TRAPPC9: variants seen among roughly 807,000 people sequenced by gnomAD.
The protein encoded by TRAPPC9 is IKK2 binding protein.
TRAPPC9 carries 83 observed loss-of-function variants against 124.0 expected under a neutral mutation model. That is an observed-to-expected ratio of 0.67 (90% CI 0.56 to 0.80). The LOEUF (loss-of-function observed/expected upper bound fraction) is 0.80. Among genes scored for constraint, TRAPPC9 ranks in the 30% least tolerant of loss-of-function variants. TRAPPC9 has a pLI of 0.00. For synonymous variants in TRAPPC9, 638 were observed against 617.5 expected, an observed-to-expected ratio of 1.03 and a Z score of -0.49; for missense variants, 1,302 against 1,508.3, an observed-to-expected ratio of 0.86 and a Z score of 2.27.
chr8:140,305,259 C>T (rs571924347), intron 10 of TRAPPC9, among the ~76,000 whole-genome samples: 3 of 152,230 alleles, frequency 2.0e-5, no homozygotes, highest in South Asian at 4.2e-4. Flanking sequence ...GTTTTCTATC[C>T]CACTGTTACT....
At chr8:140,458,338 G>A (rs763632823), upstream of TRAPPC9, 7 of 1,583,792 alleles carry the variant, frequency 4.4e-6, no homozygotes, top group Middle Eastern at 1.7e-4. Flanking sequence ...CAGGGGTGGA[G>A]GCCCCGCGGA....
intron 19 of TRAPPC9, chr8:139,932,718 G>A (rs754392700): frequency 3.5e-5 from 13 of 366,378 alleles, no homozygotes; most frequent in South Asian, 2.2e-4. Flanking sequence ...GAGCCGAGAT[G>A]GTACCTCTGC....
intron 21 of TRAPPC9, among the ~76,000 whole-genome samples, chr8:139,800,437 G>T (rs1823409996): frequency 2.6e-5 from 4 of 152,216 alleles, no homozygotes; most frequent in Admixed American, 2.0e-4. Flanking sequence ...CAGGGTTTCT[G>T]GTGGGTCCGT....
At chr8:140,201,922 C>A (rs979836364) in intron 17 of TRAPPC9, among the ~76,000 whole-genome samples, 1 of 152,082 alleles carries the variant, frequency 6.6e-6, no homozygotes, top group African/African-American at 2.4e-5. Flanking sequence ...TCAGGCTCAG[C>A]TCTGACATAC....
intron 15 of TRAPPC9, among the ~76,000 whole-genome samples, chr8:140,273,673 C>T (rs1046197177): frequency 6.6e-6 from 1 of 152,178 alleles, no homozygotes; most frequent in Non-Finnish European, 1.5e-5. Context: ...CTCTGCCTGG[C>T]TTTCATTGTT....
intron 14 of TRAPPC9, among the ~76,000 whole-genome samples, chr8:140,281,326 A>C (rs959187950): frequency 2.6e-5 from 4 of 152,172 alleles, no homozygotes; most frequent in Non-Finnish European, 5.9e-5. Context: ...GCGGGTGTGA[A>C]CTGGAGCCTC....
At chr8:140,228,648 A>G (rs1321116637) in intron 16 of TRAPPC9, among the ~76,000 whole-genome samples, 1 of 152,166 alleles carries the variant, frequency 6.6e-6, no homozygotes, top group East Asian at 1.9e-4. Flanking sequence ...TGACATCAGA[A>G]GCCTCCATGT....
chr8:140,090,909 T>A (rs4736136), intron 17 of TRAPPC9, among the ~76,000 whole-genome samples: 1 of 151,992 alleles, frequency 6.6e-6, no homozygotes. Flanking sequence ...GTGATACGTC[T>A]TAGCTCCAGA....
intron 21 of TRAPPC9, among the ~76,000 whole-genome samples, chr8:139,846,016 C>T (rs1294235557): frequency 2.0e-5 from 3 of 152,246 alleles, no homozygotes; most frequent in African/African-American, 4.8e-5. Flanking sequence ...GACTGGGAAG[C>T]TCCAAAGGGA....
intron 17 of TRAPPC9, among the ~76,000 whole-genome samples, chr8:140,133,727 A>C (rs2130724311): frequency 6.6e-6 from 1 of 152,380 alleles, no homozygotes; most frequent in South Asian, 2.1e-4. Flanking sequence ...CAAATTCAGC[A>C]CACAAAAATC....
At chr8:139,883,515 C>T (rs1829810178) in intron 21 of TRAPPC9, among the ~76,000 whole-genome samples, 1 of 152,224 alleles carries the variant, frequency 6.6e-6, no homozygotes, top group East Asian at 1.9e-4. Flanking sequence ...AGCTTCCAGG[C>T]TGTTCTGTGC....
intron 19 of TRAPPC9, among the ~76,000 whole-genome samples, chr8:139,978,339 C>T (rs926092999): frequency 3.3e-5 from 5 of 152,180 alleles, no homozygotes; most frequent in Non-Finnish European, 7.3e-5. Context: ...CTGATGCAAA[C>T]CAATGTTAGG....
intron 17 of TRAPPC9, among the ~76,000 whole-genome samples, chr8:140,036,213 A>G (rs965703310): frequency 7.5e-6 from 1 of 133,876 alleles, no homozygotes; most frequent in Non-Finnish European, 1.7e-5. Flanking sequence ...CATGACCTGA[A>G]CGACTTCTTT....
intron 4 of TRAPPC9, among the ~76,000 whole-genome samples, chr8:140,429,771 A>G (rs192056964): frequency 6.6e-6 from 1 of 152,102 alleles, no homozygotes; most frequent in East Asian, 1.9e-4. Flanking sequence ...GTGCCATTGC[A>G]CTCCAGCCTG....
chr8:140,452,419 CAAAAAAA>C (rs1161960216), intron 1 of TRAPPC9, among the ~76,000 whole-genome samples: 309 of 40,442 alleles, frequency 7.6e-3, no homozygotes, highest in African/African-American at 0.02. Flanking sequence ...GACTGCATCT[CAAAAAAA>C]AAAAAAAAAA....
intron 2 of TRAPPC9, among the ~76,000 whole-genome samples, chr8:140,443,130 T>TAAAA (rs2071091738): frequency 1.2e-4 from 1 of 8,298 alleles, no homozygotes; most frequent in Non-Finnish European, 3.1e-4. Context: ...AGACTCCATC[T>TAAAA]CAAAAAAAAA....
At chr8:140,152,236 A>T (rs1442867876) in intron 17 of TRAPPC9, among the ~76,000 whole-genome samples, 2 of 60,906 alleles carry the variant, frequency 3.3e-5, no homozygotes, top group Non-Finnish European at 7.1e-5. Context: ...CTTAAGCTTT[A>T]AAAAAAAAAA....
chr8:140,230,852 G>A (rs966912235), intron 16 of TRAPPC9, among the ~76,000 whole-genome samples: 6 of 152,212 alleles, frequency 3.9e-5, no homozygotes, highest in Admixed American at 3.9e-4. Flanking sequence ...GCATTTGTGA[G>A]CACTGGGGAT....
chr8:140,024,221 AC>A (rs1480173147), intron 17 of TRAPPC9, 142 bp from the exon 18 acceptor site: 5 of 1,077,244 alleles, frequency 4.6e-6, no homozygotes, highest in Non-Finnish European at 6.8e-6. Context: ...CCGACTCACA[AC>A]CCCGGCGGGT....
Sources: gnomAD v4.1 joint callset for allele counts (sites outside exome capture counted in the v4.1 genomes callset) on GRCh38, gnomAD v4.1.1 for gene constraint, MANE v1.5 for transcripts, NCBI Gene and HGNC (gene_info 2026-07-23, HGNC 2026-07-21) for gene names.